The following ETS2 variants were observed in gnomAD, a reference collection of about 807,000 sequenced individuals.
ETS2 encodes the protein ETS proto-oncogene 2, transcription factor, also known as protein C-ets-2.
ETS2 carries 19 observed loss-of-function variants against 54.9 expected under a neutral mutation model. That is an observed-to-expected ratio of 0.35 (90% CI 0.24 to 0.51). ETS2 has a LOEUF of 0.51. Ranked by LOEUF, ETS2 falls within the 20% of genes least tolerant of loss-of-function variation. The probability of loss-of-function intolerance (pLI) is 0.97; values close to 1 mark genes in which losing one functional copy is unlikely to be tolerated. For missense variants in ETS2, 417 were observed against 593.0 expected, an observed-to-expected ratio of 0.70 and a Z score of 3.08; for synonymous variants, 219 against 229.3, an observed-to-expected ratio of 0.95 and a Z score of 0.41.
rs1476307789 is a variant in ETS2, at chr21:38,818,533, A to G, written c.698A>G (p.Glu233Gly). ...TCCACACCCAGCGTACTCAGCTCTG[A>G]GCAGGAGTTTCAGATGTTCCCCAAG... ...PASTPSVLSS[E>G]QEFQMFPKSR... is the part of the protein sequence containing the mutation. Residue 233 changes from glutamate to glycine, a missense_variant, in exon 7 of 10, where the codon GAG (glutamate) becomes GGG (glycine). Glu to Gly is a moderately conservative substitution (Grantham distance 98, BLOSUM62 -2). Around this residue, in one of 3 missense-constraint regions of ETS2, gnomAD observed 326 missense variants for 426.1 expected, o/e 0.76. Transcript: ENST00000360938. The G allele has an allele frequency of 6.2e-7, 1 of 1,614,054 alleles. No individual in the cohort carries two copies. Among genetic ancestry groups the G allele is most frequent in the Non-Finnish European group, 8.5e-7 (1 of 1,180,036 alleles).
chr21:38,817,139 C>A, intron 6 of ETS2, 48 bp downstream of exon 6: 1 of 1,252,530 alleles, frequency 8.0e-7, no homozygotes, highest in Non-Finnish European at 1.2e-6. Context: ...TCAGTCTTCC[C>A]AGTAGACTTG....
chr21:38,819,875 C>T (rs2123423563), intron 8 of ETS2, 109 bp downstream of exon 8: 1 of 1,065,402 alleles, frequency 9.4e-7, no homozygotes, highest in Non-Finnish European at 1.3e-6. Context: ...AAGCTAGGTA[C>T]ACCAGTGCTC....
chr21:38,813,912 C>A (rs543816070), intron 3 of ETS2, among the ~76,000 whole-genome samples: 1 of 152,352 alleles, frequency 6.6e-6, no homozygotes, highest in South Asian at 2.1e-4. Flanking sequence ...ATGGAAGTGA[C>A]TTCCAAATGA....
upstream of ETS2, chr21:38,805,569 C>A: frequency 7.8e-7 from 1 of 1,279,738 alleles, no homozygotes. The surrounding 1 kb of genome is among the most constrained non-coding windows in gnomAD (Gnocchi z 5.2). Context: ...GGCCTCAGGG[C>A]CAGCCGGCGA....
At chr21:38,811,824 G>GT (rs1022054777) in intron 2 of ETS2, among the ~76,000 whole-genome samples, 8 of 152,004 alleles carry the variant, frequency 5.3e-5, no homozygotes, top group African/African-American at 9.6e-5. Context: ...GGTGATTTGG[G>GT]TTTTTTTTGT....
chr21:38,814,463 T>C lies in ETS2; in HGVS notation c.304+71T>C. On this transcript the variant is annotated intron_variant, in intron 4 of 9. Coordinates refer to ENST00000360938, the MANE Select transcript of ETS2 (RefSeq NM_005239.6). This position sits in a 1 kb window ranked among gnomAD's most constrained non-coding sequence, Gnocchi z 4.2. Reference sequence around the variant, plus strand: ...TTCAGTGCAGTTGTTTGATCTTGACTTGTTTATTAAGCTTTTGCTTGGGGT... The same window carrying C: ...TTCAGTGCAGTTGTTTGATCTTGACCTGTTTATTAAGCTTTTGCTTGGGGT... The C allele has an allele frequency of 1.9e-6, 3 of 1,577,358 alleles. No homozygotes were observed. The highest frequency in any genetic ancestry group is 1.9e-4 in the Middle Eastern group (1 of 5,308).
Position 38,814,319 on chromosome 21 carries a change from T to C in ETS2, c.231T>C (p.Ala77=), listed in dbSNP as rs2060924528. 1 of 1,614,070 alleles carries C rather than the reference T, an allele frequency of 6.2e-7. No homozygotes were observed. The highest frequency in any genetic ancestry group is 8.5e-7 in the Non-Finnish European group (1 of 1,179,990). Reference sequence around the variant, plus strand: ...CTTTGTTAACCCCGTGCAGCAAGGCTGTGATGAGTCAAGCCTTAAAAGCTA... The same window carrying C: ...CTTTGTTAACCCCGTGCAGCAAGGCCGTGATGAGTCAAGCCTTAAAAGCTA... The part of the protein sequence containing the change: ...ELPLLTPCSK[A]VMSQALKATF... The change falls in exon 4 of 10, where the codon GCT becomes GCC. Residue 77 remains alanine (A), a synonymous_variant. Transcript: ENST00000360938. The surrounding 1 kb of genome is among the most constrained non-coding windows in gnomAD (Gnocchi z 4.2).
intron 5 of ETS2, among the ~76,000 whole-genome samples, chr21:38,815,649 G>A (rs1479119165): frequency 6.6e-6 from 1 of 151,698 alleles, no homozygotes; most frequent in Non-Finnish European, 1.5e-5. Context: ...AAGAAAAGAG[G>A]GCCAGGTGCG....
chr21:38,814,095 A>C lies in ETS2; in HGVS notation c.185-178A>C, dbSNP rs1394731028. 6.6e-6 allele frequency among the ~76,000 whole-genome samples: 1 copy of C among 152,226 alleles called. No individual in the cohort carries two copies. Among genetic ancestry groups the C allele is most frequent in the Non-Finnish European group, 1.5e-5 (1 of 68,036 alleles). The stretch of plus-strand genomic sequence containing the variant: ...TTTAATAAGTATAGTTCTGAGATAT[A>C]TATTTTCTCAATTATAGTCAGAAAA... On this transcript the variant is annotated intron_variant, in intron 3 of 9. Coordinates refer to ENST00000360938, the MANE Select transcript of ETS2 (RefSeq NM_005239.6). The surrounding 1 kb of genome is among the most constrained non-coding windows in gnomAD (Gnocchi z 4.2).
chr21:38,821,528 C>A lies in ETS2; in HGVS notation c.1076-58C>A. 1 of 1,209,700 alleles carries A rather than the reference C, an allele frequency of 8.3e-7. No individual in the cohort carries two copies. The highest frequency in any genetic ancestry group is 1.2e-6 in the Non-Finnish European group (1 of 813,408). The allele number at this position is 1,209,700 out of a possible 1,614,324, so 74.9% of individuals were successfully genotyped here. A position where few individuals can be genotyped will look rare whatever the true frequency, so the allele number is the denominator to read the frequency against. On this transcript the variant is annotated intron_variant, in intron 8 of 9. Coordinates refer to ENST00000360938, the MANE Select transcript of ETS2 (RefSeq NM_005239.6). This position sits in a 1 kb window ranked among gnomAD's most constrained non-coding sequence, Gnocchi z 4.2. ...CATGTACAATTAGGATGGTTAAAGA[C>A]TTGCTGTATTTTACATCTGTGAAAG... is the stretch of plus-strand genomic sequence containing the variant.
rs758089939 is a variant in ETS2, at chr21:38,821,673, G to A, written c.1163G>A (p.Gly388Glu). The A allele has an allele frequency of 5.0e-6, 8 of 1,614,012 alleles. No homozygotes were observed. The Admixed American group carries it at 6.7e-5, about 13-fold the overall frequency. Residue 388 changes from glycine (G) to glutamate (E), a missense_variant, in exon 9 of 10, where the codon GGA becomes GAA. This residue lies in a region of ETS2 where 60 missense variants were observed against 134.1 expected (regional missense o/e 0.45). Coordinates refer to ENST00000360938, the MANE Select transcript of ETS2 (RefSeq NM_005239.6). The surrounding 1 kb of genome is among the most constrained non-coding windows in gnomAD (Gnocchi z 4.2). ...TCATTCATCAGCTGGACTGGAGACG[G>A]ATGGGAGTTTAAGCTCGCCGACCCC... Reference protein sequence around the residue: ...CQSFISWTGDGWEFKLADPDE... With the variant: ...CQSFISWTGDEWEFKLADPDE...
At chr21:38,810,169 A>G (rs764869025) in intron 2 of ETS2, 63 bp downstream of exon 2, 1 of 1,017,612 alleles carries the variant, frequency 9.8e-7, no homozygotes, top group Non-Finnish European at 1.4e-6. Flanking sequence ...GAGGAAAGAA[A>G]AAAAAGGCCT....
At position 38,818,409 on chromosome 21, in the gene ETS2, G is replaced by T; in HGVS notation, c.590-16G>T. 1 of 1,613,734 alleles carries T rather than the reference G, an allele frequency of 6.2e-7. No individual in the cohort carries two copies. Among genetic ancestry groups the T allele is most frequent in the Non-Finnish European group, 8.5e-7 (1 of 1,180,006 alleles). ...ACTGACTTTAAGAGCTCTGCCGTCCGATTGTTCTGTTCCAGGTTTTGGCAC... is the reference window on the plus strand; with the variant it reads ...ACTGACTTTAAGAGCTCTGCCGTCCTATTGTTCTGTTCCAGGTTTTGGCAC... On this transcript the variant is annotated splice_polypyrimidine_tract_variant and intron_variant, in intron 6 of 9. Transcript: ENST00000360938.
At chr21:38,813,148 T>A (rs1248074885) in intron 3 of ETS2, 34 bp downstream of exon 3, 2 of 1,341,362 alleles carry the variant, frequency 1.5e-6, no homozygotes, top group Middle Eastern at 1.8e-4. Flanking sequence ...AAATTGTGCA[T>A]GATTTTCCTA....
rs969951821 is a variant in ETS2, at chr21:38,818,455, T to C, written c.620T>C (p.Met207Thr). 1.1e-5 allele frequency: 17 copies of C among 1,614,046 alleles called. No individual in the cohort carries two copies. Among genetic ancestry groups the C allele is most frequent in the Non-Finnish European group, 1.4e-5 (16 of 1,180,034 alleles). Residue 207 changes from methionine (M) to threonine (T), a missense_variant, in exon 7 of 10, where the codon ATG becomes ACG. Transcript: ENST00000360938. ...GGCACAGAGCAGGCGCCCTATGGAATGCAGACACAGAATTACCCCAAAGGC... is the reference window on the plus strand; with the variant it reads ...GGCACAGAGCAGGCGCCCTATGGAACGCAGACACAGAATTACCCCAAAGGC... ...GFGTEQAPYG[M>T]QTQNYPKGGL...
In ETS2 at chr21:38,821,708, T is replaced by C. The variant is rs779517840; in HGVS notation, c.1194+4T>C. ...TAAGCTCGCCGACCCCGATGAGGTA[T>C]GGCCAGAGCCCTGGGAAATCTCTGG... is the stretch of plus-strand genomic sequence containing the variant. On this transcript the variant is annotated splice_donor_region_variant and intron_variant, in intron 9 of 9. Coordinates refer to ENST00000360938, the MANE Select transcript of ETS2 (RefSeq NM_005239.6). This position sits in a 1 kb window ranked among gnomAD's most constrained non-coding sequence, Gnocchi z 4.2. 6 of 1,595,128 alleles carry C rather than the reference T, an allele frequency of 3.8e-6. No individual in the cohort carries two copies. In the East Asian group the frequency reaches 6.7e-5, roughly 18 times the overall value.
rs762644585 is a variant in ETS2, at chr21:38,810,147, C to T, written c.72+41C>T. ...TTAATTTTTTTTTTTAATTGGAAAA[C>T]TCGATCTCTAGGAGGAAAGAAAAAA... On this transcript the variant is annotated intron_variant, in intron 2 of 9. Transcript: ENST00000360938. The T allele has an allele frequency of 3.2e-6, 4 of 1,252,016 alleles. No individual in the cohort carries two copies. In the South Asian group the frequency reaches 4.5e-5, roughly 14 times the overall value. 77.6% of individuals were successfully genotyped at this position (1,252,016 alleles called of 1,614,324 possible).
chr21:38,817,183 C>A, intron 6 of ETS2, 92 bp downstream of exon 6: 1 of 792,434 alleles, frequency 1.3e-6, no homozygotes, highest in South Asian at 1.6e-5. Flanking sequence ...AAGGGGCCAC[C>A]TAGACCTGTG....
At chr21:38,808,001 G>C (rs879390260) in intron 1 of ETS2, among the ~76,000 whole-genome samples, 1 of 152,192 alleles carries the variant, frequency 6.6e-6, no homozygotes, top group Non-Finnish European at 1.5e-5. Flanking sequence ...ACATTGGAAG[G>C]AGTAGTGAGA....
Sources: gnomAD v4.1 joint callset for allele counts (sites outside exome capture counted in the v4.1 genomes callset) on GRCh38, gnomAD v4.1.1 for gene constraint, gnomAD v4.1.1 regional missense constraint, Gnocchi (gnomAD v3.1) non-coding constraint, MANE v1.5 for transcripts, NCBI Gene and HGNC (gene_info 2026-07-23, HGNC 2026-07-21) for gene names.